The following PPARGC1A variants were observed in gnomAD, a reference collection of about 807,000 sequenced individuals.
The protein encoded by PPARGC1A is PPARG coactivator 1 alpha.
PPARGC1A carries 25 observed loss-of-function variants against 88.7 expected under a neutral mutation model. That is an observed-to-expected ratio of 0.28 (90% CI 0.21 to 0.39). PPARGC1A has a LOEUF of 0.39. Ranked by LOEUF, PPARGC1A falls within the 10% of genes least tolerant of loss-of-function variation. The probability of loss-of-function intolerance (pLI) is 1.00; values close to 1 mark genes in which losing one functional copy is unlikely to be tolerated. For missense variants in PPARGC1A, 880 were observed against 968.7 expected (o/e 0.91, Z 1.22); for synonymous variants, 363 against 355.6 (o/e 1.02, Z -0.24).
the PPARGC1A span, among the ~76,000 whole-genome samples, chr4:24,365,626 C>T: frequency 6.6e-6 from 1 of 152,270 alleles, no homozygotes; most frequent in South Asian, 2.1e-4. Context: ...ACAGGTGCAG[C>T]TGTATTGTTA....
At chr4:24,165,869 G>C in the PPARGC1A span, among the ~76,000 whole-genome samples, 4 of 152,048 alleles carry the variant, frequency 2.6e-5, no homozygotes, top group African/African-American at 9.7e-5. Context: ...AAGCTAATTA[G>C]TAACCCCTAC....
chr4:24,384,384 T>C, the PPARGC1A span, among the ~76,000 whole-genome samples: 17 of 152,098 alleles, frequency 1.1e-4, no homozygotes, highest in African/African-American at 3.6e-4. Flanking sequence ...CACATAACAA[T>C]ATTAACCTTA....
the PPARGC1A span, among the ~76,000 whole-genome samples, chr4:24,033,780 G>C: frequency 6.6e-6 from 1 of 152,206 alleles, no homozygotes; most frequent in Admixed American, 6.5e-5. Context: ...GTGTGAAACT[G>C]ACTAGGCAAA....
the PPARGC1A span, among the ~76,000 whole-genome samples, chr4:24,329,258 CTT>C: frequency 2.8e-5 from 4 of 145,338 alleles, no homozygotes; most frequent in Non-Finnish European, 3.0e-5. Context: ...TCTCTTTAAG[CTT>C]TTTTTTTTTT....
chr4:24,282,558 G>A, the PPARGC1A span, among the ~76,000 whole-genome samples: 2 of 152,196 alleles, frequency 1.3e-5, no homozygotes, highest in Non-Finnish European at 2.9e-5. Context: ...TATCTGTATG[G>A]TTAATTCTGT....
the PPARGC1A span, among the ~76,000 whole-genome samples, chr4:24,281,334 A>G: frequency 6.6e-6 from 1 of 152,212 alleles, no homozygotes; most frequent in Non-Finnish European, 1.5e-5. Flanking sequence ...ATCAGCATCT[A>G]CATCTGGTGA....
chr4:24,178,213 A>C, the PPARGC1A span, among the ~76,000 whole-genome samples: 5 of 152,222 alleles, frequency 3.3e-5, no homozygotes, highest in African/African-American at 9.6e-5. Context: ...ACTCACTGAG[A>C]TTTAAGTAAA....
chr4:23,972,995 G>A, the PPARGC1A span, among the ~76,000 whole-genome samples: 1 of 152,288 alleles, frequency 6.6e-6, no homozygotes, highest in Non-Finnish European at 1.5e-5. Flanking sequence ...AAGATTAACT[G>A]CATTATTATT....
the PPARGC1A span, among the ~76,000 whole-genome samples, chr4:24,092,971 G>A: frequency 6.6e-6 from 1 of 152,154 alleles, no homozygotes; most frequent in Admixed American, 6.6e-5. Flanking sequence ...CACATGCCTT[G>A]TTTGAAAAAT....
the PPARGC1A span, among the ~76,000 whole-genome samples, chr4:24,184,809 A>G: frequency 1.3e-5 from 2 of 152,248 alleles, no homozygotes; most frequent in Non-Finnish European, 2.9e-5. Context: ...TCTAGGGTCA[A>G]GAAACAGCTT....
chr4:24,192,898 A>T, the PPARGC1A span, among the ~76,000 whole-genome samples: 1 of 152,248 alleles, frequency 6.6e-6, no homozygotes, highest in African/African-American at 2.4e-5. Flanking sequence ...GTTTTCAGAC[A>T]ACATTAATTA....
the PPARGC1A span, among the ~76,000 whole-genome samples, chr4:24,349,347 C>T: frequency 2.1e-4 from 32 of 152,222 alleles, no homozygotes; most frequent in Non-Finnish European, 4.1e-4. Flanking sequence ...CAGCAGTGGG[C>T]GGGGCCCTAG....
chr4:23,840,447 C>T (rs773057180), intron 2 of PPARGC1A, among the ~76,000 whole-genome samples: 1 of 152,102 alleles, frequency 6.6e-6, no homozygotes, highest in Non-Finnish European at 1.5e-5. Context: ...GTTTTCTCTT[C>T]CTAGAAGGTT....
chr4:24,132,238 A>G, the PPARGC1A span, among the ~76,000 whole-genome samples: 1 of 152,040 alleles, frequency 6.6e-6, no homozygotes, highest in Non-Finnish European at 1.5e-5. Flanking sequence ...ATTCTTTATA[A>G]GGCCACATCT....
chr4:24,433,001 C>T, the PPARGC1A span, among the ~76,000 whole-genome samples: 3 of 152,152 alleles, frequency 2.0e-5, no homozygotes, highest in African/African-American at 7.2e-5. Context: ...ACCCTAAACT[C>T]GTTCAGTATC....
the PPARGC1A span, among the ~76,000 whole-genome samples, chr4:24,145,149 G>A: frequency 1.3e-5 from 2 of 151,490 alleles, no homozygotes; most frequent in Non-Finnish European, 2.9e-5. Flanking sequence ...CAGGCACAGG[G>A]TAAGCACTTT....
At chr4:24,077,984 C>T in the PPARGC1A span, among the ~76,000 whole-genome samples, 452 of 151,930 alleles carry the variant, frequency 3.0e-3, 2 homozygotes, top group Non-Finnish European at 5.1e-3. Flanking sequence ...TTCTGGTTTT[C>T]GGAATATTCC....
the PPARGC1A span, among the ~76,000 whole-genome samples, chr4:24,039,032 C>A: frequency 3.9e-5 from 6 of 152,106 alleles, no homozygotes; most frequent in Admixed American, 1.3e-4. Flanking sequence ...TACTGGCCCA[C>A]CATTAAATAT....
the PPARGC1A span, among the ~76,000 whole-genome samples, chr4:24,382,516 G>A: frequency 6.6e-6 from 1 of 152,156 alleles, no homozygotes; most frequent in African/African-American, 2.4e-5. Context: ...AAGAAAAAAA[G>A]AATTCTGAAA....
Sources: allele counts gnomAD v4.1 joint callset (sites outside exome capture counted in the v4.1 genomes callset), GRCh38; gene constraint gnomAD v4.1.1; transcripts MANE v1.5; gene names NCBI Gene and HGNC (gene_info 2026-07-23, HGNC 2026-07-21).